ARAP2: variants seen among roughly 807,000 people sequenced by gnomAD.
ARAP2 encodes the protein ArfGAP with RhoGAP domain, ankyrin repeat and PH domain 2, also known as arf-GAP with Rho-GAP domain, ANK repeat and PH domain-containing protein 2.
A neutral mutation model predicts 194.5 loss-of-function variants in ARAP2; 148 were observed. That is an observed-to-expected ratio of 0.76 (90% confidence interval 0.67 to 0.87). The LOEUF is 0.87. Among genes scored for constraint, ARAP2 ranks in the 40% least tolerant of loss-of-function variants. The pLI is 0.00. For missense variants in ARAP2, 2,128 were observed against 1,989.7 expected (o/e 1.07, Z -1.32); for synonymous variants, 695 against 683.5 (o/e 1.02, Z -0.26).
intron 20 of ARAP2, among the ~76,000 whole-genome samples, chr4:36,129,834 A>C (rs7659665): frequency 0.14 from 18,840 of 139,364 alleles, 2,024 homozygotes; most frequent in African/African-American, 0.29. Flanking sequence ...CATTACATAT[A>C]CATGCAACAT....
At chr4:36,162,504 A>C (rs1407704259) in intron 11 of ARAP2, among the ~76,000 whole-genome samples, 1 of 152,118 alleles carries the variant, frequency 6.6e-6, no homozygotes, top group African/African-American at 2.4e-5. Flanking sequence ...GCTGAGAAGG[A>C]AAAAAAGTGT....
chr4:36,206,947 C>T (rs1745660352), intron 6 of ARAP2, among the ~76,000 whole-genome samples: 1 of 152,202 alleles, frequency 6.6e-6, no homozygotes, highest in Non-Finnish European at 1.5e-5. Flanking sequence ...ATATACAGTG[C>T]AGTTTTTATA....
intron 27 of ARAP2, among the ~76,000 whole-genome samples, chr4:36,095,906 C>T (rs942115366): frequency 2.6e-5 from 4 of 152,026 alleles, no homozygotes; most frequent in East Asian, 3.9e-4. Flanking sequence ...GACACCTATC[C>T]GGAAGGATTG....
chr4:36,217,341 A>G (rs1162691766), intron 2 of ARAP2, among the ~76,000 whole-genome samples: 2 of 152,126 alleles, frequency 1.3e-5, no homozygotes, highest in Admixed American at 1.3e-4. Context: ...GAGAAACCCC[A>G]TATCTACTAA....
At chr4:36,042,340 G>C (rs1466218245) in intron 5 of ARAP2, among the ~76,000 whole-genome samples, 1 of 152,230 alleles carries the variant, frequency 6.6e-6, no homozygotes, top group South Asian at 2.1e-4. Context: ...AATATTATGT[G>C]TTCTCGCAGC....
In ARAP2 at chr4:36,158,800, G is replaced by C; in HGVS notation, c.2682C>G (p.Phe894Leu). The part of the protein sequence containing the change: ...VLSQESSQST[F>L]LCDFLYQAPS... Reference sequence around the variant, plus strand: ...GAGCTTGATATAAAAAGTCACAGAGGAATGTGGACTGGGAAGACTCTTGAC... The same window carrying C: ...GAGCTTGATATAAAAAGTCACAGAGCAATGTGGACTGGGAAGACTCTTGAC... The change falls in exon 15 of 33, where the codon TTC (phenylalanine) becomes TTG (leucine). Residue 894 changes from phenylalanine to leucine, a missense_variant. Phe to Leu is a conservative substitution (Grantham distance 22). Coordinates refer to ENST00000303965, the MANE Select transcript of ARAP2 (RefSeq NM_015230.4). The C allele has an allele frequency of 2.5e-6, 4 of 1,612,364 alleles. No homozygotes were observed. The highest frequency in any genetic ancestry group is 3.4e-6 in the Non-Finnish European group (4 of 1,179,226).
intron 20 of ARAP2, among the ~76,000 whole-genome samples, chr4:36,129,476 C>CA (rs1379177368): frequency 6.6e-6 from 1 of 151,898 alleles, no homozygotes; most frequent in Non-Finnish European, 1.5e-5. Flanking sequence ...ATAATATTAA[C>CA]AATGTTCTTT....
chr4:36,161,554 G>C lies in ARAP2; in HGVS notation c.2174-4C>G, dbSNP rs774596615. Reference sequence around the variant, plus strand: ...GGTCCTAAAGATCTATGCTGTCCTAGAGTCAAAACACAATTGCATTTCTAT... The same window carrying C: ...GGTCCTAAAGATCTATGCTGTCCTACAGTCAAAACACAATTGCATTTCTAT... On this transcript the variant is annotated splice_region_variant and splice_polypyrimidine_tract_variant and intron_variant, in intron 11 of 32. Coordinates refer to ENST00000303965, the MANE Select transcript of ARAP2 (RefSeq NM_015230.4). The C allele has an allele frequency of 6.2e-7, 1 of 1,602,746 alleles. No homozygotes were observed. Among genetic ancestry groups the C allele is most frequent in the South Asian group, 1.1e-5 (1 of 89,970 alleles).
intron 28 of ARAP2, 93 bp downstream of exon 28, chr4:36,091,788 C>A: frequency 2.2e-6 from 3 of 1,336,004 alleles, no homozygotes; most frequent in Non-Finnish European, 3.0e-6. Flanking sequence ...ATACTACAGG[C>A]AGTGACTTCC....
intron 19 of ARAP2, among the ~76,000 whole-genome samples, chr4:36,135,006 T>C (rs954007272): frequency 2.0e-5 from 3 of 151,750 alleles, no homozygotes; most frequent in African/African-American, 7.3e-5. Context: ...GCAAAGAAAG[T>C]ATTTCAGTAT....
At chr4:36,093,779 C>T (rs921815052) in intron 27 of ARAP2, among the ~76,000 whole-genome samples, 3 of 152,112 alleles carry the variant, frequency 2.0e-5, no homozygotes, top group Non-Finnish European at 4.4e-5. Context: ...CTCCTCCTTC[C>T]GTTTGGAGTC....
At chr4:36,242,787 C>G (rs1753766933) in intron 1 of ARAP2, among the ~76,000 whole-genome samples, 1 of 152,172 alleles carries the variant, frequency 6.6e-6, no homozygotes, top group Non-Finnish European at 1.5e-5. Context: ...AAAATACAAA[C>G]ACAAGCACAC....
chr4:36,093,054 A>C (rs114737944), intron 27 of ARAP2, among the ~76,000 whole-genome samples: 269 of 152,280 alleles, frequency 1.8e-3, no homozygotes, highest in African/African-American at 6.2e-3. Flanking sequence ...TGTCCTTTGC[A>C]GGGACATGAT....
intron 5 of ARAP2, among the ~76,000 whole-genome samples, chr4:36,040,594 T>G (rs1720690102): frequency 6.6e-6 from 1 of 152,214 alleles, no homozygotes; most frequent in Non-Finnish European, 1.5e-5. Flanking sequence ...TATTTTATGC[T>G]TTCTGTGGCA....
chr4:36,238,672 A>T (rs531942982), intron 1 of ARAP2, among the ~76,000 whole-genome samples: 1 of 152,220 alleles, frequency 6.6e-6, no homozygotes, highest in Non-Finnish European at 1.5e-5. Flanking sequence ...TAAACCTGGA[A>T]GCCTACATTC....
intron 2 of ARAP2, among the ~76,000 whole-genome samples, chr4:36,053,089 C>A (rs989076262): frequency 6.6e-6 from 1 of 151,896 alleles, no homozygotes; most frequent in Non-Finnish European, 1.5e-5. Flanking sequence ...CTCACTGCAA[C>A]CTCCGCCTCC....
At chr4:36,158,000 C>T (rs57552016) in intron 15 of ARAP2, among the ~76,000 whole-genome samples, 1,593 of 152,196 alleles carry the variant, frequency 0.01, 35 homozygotes, top group African/African-American at 0.037. Context: ...ACAGCTTAAT[C>T]TCTCTTACAC....
chr4:36,154,208 T>C (rs917923740), intron 15 of ARAP2, among the ~76,000 whole-genome samples: 3 of 152,210 alleles, frequency 2.0e-5, no homozygotes, highest in African/African-American at 7.2e-5. Flanking sequence ...TTTGAAACTA[T>C]GAATTTGCTT....
intron 31 of ARAP2, among the ~76,000 whole-genome samples, chr4:36,077,599 T>C (rs954009168): frequency 2.6e-5 from 4 of 152,108 alleles, no homozygotes; most frequent in African/African-American, 7.2e-5. Flanking sequence ...TCTTAATTTG[T>C]CTTACCATAT....
Sources: allele counts gnomAD v4.1 joint callset (sites outside exome capture counted in the v4.1 genomes callset), GRCh38; gene constraint gnomAD v4.1.1; transcripts MANE v1.5; gene names NCBI Gene and HGNC (gene_info 2026-07-23, HGNC 2026-07-21).